The following TENM3 variants were observed in gnomAD, a reference collection of about 807,000 sequenced individuals.
TENM3 encodes teneurin-3.
A neutral mutation model predicts 255.1 loss-of-function variants in TENM3; 63 were observed. That is an observed-to-expected ratio of 0.25 (90% confidence interval 0.20 to 0.30). TENM3 has a LOEUF of 0.30. Ranked by LOEUF, TENM3 falls within the 10% of genes least tolerant of loss-of-function variation. The pLI is 1.00. For synonymous variants in TENM3, 1,306 were observed against 1,322.3 expected, an observed-to-expected ratio of 0.99 and a Z score of 0.27; for missense variants, 2,929 against 3,461.1, an observed-to-expected ratio of 0.85 and a Z score of 3.86.
intron 3 of TENM3, among the ~76,000 whole-genome samples, chr4:182,382,702 A>G (rs1401213417): frequency 6.6e-6 from 1 of 152,188 alleles, no homozygotes; most frequent in African/African-American, 2.4e-5. Context: ...TCCTTCAGCC[A>G]GATCCACTCT....
intron 3 of TENM3, among the ~76,000 whole-genome samples, chr4:182,518,197 A>C (rs1428079233): frequency 6.6e-6 from 1 of 152,148 alleles, no homozygotes; most frequent in Non-Finnish European, 1.5e-5. Flanking sequence ...GAAACACTCA[A>C]ATCATCAGGA....
chr4:181,834,349 C>T, the TENM3 span, among the ~76,000 whole-genome samples: 1 of 152,198 alleles, frequency 6.6e-6, no homozygotes. Context: ...AAGTCTTATG[C>T]TGCTATTTCA....
chr4:182,156,243 C>A (rs1435163051), intron 1 of TENM3, among the ~76,000 whole-genome samples: 2 of 152,166 alleles, frequency 1.3e-5, no homozygotes, highest in Non-Finnish European at 2.9e-5. Context: ...GAAAAAAAGT[C>A]ACTGAAAGTT....
the TENM3 span, among the ~76,000 whole-genome samples, chr4:182,115,264 AG>A: frequency 6.6e-6 from 1 of 152,220 alleles, no homozygotes; most frequent in Non-Finnish European, 1.5e-5. Flanking sequence ...GGAAAATTCA[AG>A]AAACAATCAT....
At chr4:181,553,011 T>C in the TENM3 span, among the ~76,000 whole-genome samples, 291 of 152,330 alleles carry the variant, frequency 1.9e-3, no homozygotes, top group African/African-American at 6.6e-3. Context: ...AGGCCCTTCC[T>C]GATGAATAAA....
chr4:182,273,342 C>T lies in TENM3; in HGVS notation c.-76+29866C>T, dbSNP rs566422241. ...CTCAGTGGTTTGGCTCCAGAGTTCA[C>T]GTTCTTAGACCTGAGATAATTTCCA... On this transcript the variant is annotated intron_variant, in intron 1 of 27. Transcript: ENST00000511685. 1.1e-4 allele frequency among the ~76,000 whole-genome samples: 16 copies of T among 152,304 alleles called. No individual in the cohort carries two copies. The South Asian group carries it at 2.9e-3, about 28-fold the overall frequency.
intron 3 of TENM3, among the ~76,000 whole-genome samples, chr4:182,470,004 AAATGAGT>A (rs1732963771): frequency 6.6e-6 from 1 of 152,198 alleles, no homozygotes; most frequent in Non-Finnish European, 1.5e-5. Context: ...GCCATTTTAG[AAATGAGT>A]AATGAAATCA....
intron 5 of TENM3, among the ~76,000 whole-genome samples, chr4:182,646,906 T>C (rs12645356): frequency 0.54 from 81,609 of 151,992 alleles, 22,340 homozygotes; most frequent in East Asian, 0.75. Flanking sequence ...AGATACCTGG[T>C]AGTAAAGGGA....
At chr4:181,518,319 T>C in the TENM3 span, among the ~76,000 whole-genome samples, 7 of 152,118 alleles carry the variant, frequency 4.6e-5, no homozygotes, top group Non-Finnish European at 8.8e-5. Context: ...TTTAACCCTT[T>C]AAAAATATAA....
chr4:182,431,930 A>G (rs991398438), intron 3 of TENM3, among the ~76,000 whole-genome samples: 2 of 151,892 alleles, frequency 1.3e-5, no homozygotes. Context: ...TAGAAAAATT[A>G]CAGAGGGTGG....
At chr4:182,211,228 C>T (rs181545241) in intron 1 of TENM3, among the ~76,000 whole-genome samples, 6 of 152,296 alleles carry the variant, frequency 3.9e-5, no homozygotes, top group East Asian at 3.9e-4. Context: ...CCACGAGAGA[C>T]GTGGCTCTTT....
At chr4:181,728,059 T>G in the TENM3 span, among the ~76,000 whole-genome samples, 1 of 152,342 alleles carries the variant, frequency 6.6e-6, no homozygotes, top group African/African-American at 2.4e-5. Context: ...ATAAACAACA[T>G]AATGTTTCTA....
chr4:182,778,442 T>A (rs1157292462), intron 24 of TENM3, among the ~76,000 whole-genome samples: 2 of 152,180 alleles, frequency 1.3e-5, no homozygotes, highest in Non-Finnish European at 2.9e-5. Flanking sequence ...CACAATGCAC[T>A]TGGCACCTGC....
intron 24 of TENM3, among the ~76,000 whole-genome samples, chr4:182,778,567 T>TC (rs1216104863): frequency 1.3e-5 from 2 of 151,888 alleles, no homozygotes; most frequent in South Asian, 4.2e-4. Flanking sequence ...CTTCCTTACT[T>TC]CCCCCCATGA....
the TENM3 span, among the ~76,000 whole-genome samples, chr4:181,925,672 G>A: frequency 6.4e-4 from 97 of 152,226 alleles, no homozygotes; most frequent in Middle Eastern, 3.4e-3. Context: ...CAACTTTGCC[G>A]CCATTAATAA....
At chr4:181,768,897 A>G in the TENM3 span, among the ~76,000 whole-genome samples, 1 of 152,146 alleles carries the variant, frequency 6.6e-6, no homozygotes, top group Non-Finnish European at 1.5e-5. Context: ...CATTTACTTT[A>G]TTTCCATTTC....
chr4:181,448,154 A>ATTTTTTTTTTTTTTTTTTTTTTTTTTTTT, the TENM3 span, among the ~76,000 whole-genome samples: 1 of 90,124 alleles, frequency 1.1e-5, no homozygotes, highest in African/African-American at 4.8e-5. Context: ...AAATCCAGTA[A>ATTTTTTTTTTTTTTTTTTTTTTTTTTTTT]TTTTTTTTTT....
intron 4 of TENM3, among the ~76,000 whole-genome samples, chr4:182,618,499 C>T (rs1405291427): frequency 1.3e-5 from 2 of 151,760 alleles, no homozygotes. Context: ...CCTTGATAAT[C>T]TGATTATCTT....
the TENM3 span, among the ~76,000 whole-genome samples, chr4:182,090,690 A>G: frequency 1.3e-5 from 2 of 152,206 alleles, no homozygotes; most frequent in Non-Finnish European, 2.9e-5. Context: ...ATTTCTCAGT[A>G]GCTTATCTTC....
Sources: allele counts gnomAD v4.1 joint callset (sites outside exome capture counted in the v4.1 genomes callset), GRCh38; gene constraint gnomAD v4.1.1; transcripts MANE v1.5; gene names NCBI Gene and HGNC (gene_info 2026-07-23, HGNC 2026-07-21).